The following PLEKHA6 variants were observed in gnomAD, a reference collection of about 807,000 sequenced individuals.
The protein encoded by PLEKHA6 is pleckstrin homology domain containing A6, also known as pleckstrin homology domain-containing family A member 6.
In PLEKHA6, 60 loss-of-function variants were observed where a neutral mutation model predicts 116.7. That is an observed-to-expected ratio of 0.51 (90% CI 0.42 to 0.64). The LOEUF is 0.64. Among genes scored for constraint, PLEKHA6 ranks in the 30% least tolerant of loss-of-function variants. The pLI, the probability that PLEKHA6 is intolerant of heterozygous loss-of-function variation, is 0.00. For missense variants in PLEKHA6, 1,338 were observed against 1,422.7 expected (o/e 0.94, Z 0.96); for synonymous variants, 489 against 556.1 (o/e 0.88, Z 1.70).
chr1:204,225,890 C>T (rs771204373), intron 21 of PLEKHA6, among the ~76,000 whole-genome samples: 1 of 152,230 alleles, frequency 6.6e-6, no homozygotes. Flanking sequence ...AAGACATTCG[C>T]GCCACACGTA....
intron 1 of PLEKHA6, among the ~76,000 whole-genome samples, chr1:204,337,990 G>C (rs556812768): frequency 1.3e-5 from 2 of 152,360 alleles, no homozygotes; most frequent in East Asian, 1.9e-4. Flanking sequence ...ATGGCTTACA[G>C]TCTTATTTCT....
intron 1 of PLEKHA6, among the ~76,000 whole-genome samples, chr1:204,315,658 G>A (rs1671831295): frequency 6.6e-6 from 1 of 152,248 alleles, no homozygotes; most frequent in African/African-American, 2.4e-5. Context: ...AATGTCCTGA[G>A]CATGACAGTG....
At chr1:204,364,350 GGAA>G (rs1165638977), upstream of PLEKHA6, among the ~76,000 whole-genome samples, 1 of 152,208 alleles carries the variant, frequency 6.6e-6, no homozygotes, top group African/African-American at 2.4e-5. Flanking sequence ...AAGGATGCTG[GGAA>G]GCAGCCGTGC....
rs542423487 is a variant in PLEKHA6, at chr1:204,268,132, C to T, written c.207+76G>A. On this transcript the variant is annotated intron_variant, in intron 4 of 22. Transcript: ENST00000272203. ...CATACCAAAAAAATACACAGCCTGT[C>T]ATAAGCACAGAGGAATCCTTATTCT... 9.3e-5 allele frequency: 85 copies of T among 910,686 alleles called. No individual in the cohort carries two copies. The African/African-American group carries it at 1.4e-3, about 14-fold the overall frequency. 56.4% of individuals were successfully genotyped at this position (910,686 alleles called of 1,614,324 possible).
chr1:204,345,236 G>A (rs534567432), intron 1 of PLEKHA6, among the ~76,000 whole-genome samples: 22 of 152,220 alleles, frequency 1.4e-4, no homozygotes, highest in Non-Finnish European at 2.5e-4. Flanking sequence ...GCCCGATTGG[G>A]ATGCTTTCTA....
intron 1 of PLEKHA6, chr1:204,282,783 G>C (rs909985754): frequency 1.0e-6 from 1 of 985,358 alleles, no homozygotes; most frequent in African/African-American, 1.7e-5. Context: ...GCTCCTCCTT[G>C]TGCTGTGTGC....
intron 1 of PLEKHA6, among the ~76,000 whole-genome samples, chr1:204,343,163 T>C (rs1181259604): frequency 6.6e-6 from 1 of 152,164 alleles, no homozygotes; most frequent in African/African-American, 2.4e-5. Flanking sequence ...ACACCAGTGA[T>C]TTGCAAATTT....
intron 1 of PLEKHA6, chr1:204,311,655 A>G (rs1327654696): frequency 2.0e-6 from 2 of 976,538 alleles, no homozygotes; most frequent in African/African-American, 3.5e-5. Flanking sequence ...GTTTTTAAAC[A>G]CAAAATCATC....
chr1:204,300,072 C>T (rs984808984), intron 1 of PLEKHA6, among the ~76,000 whole-genome samples: 2 of 152,206 alleles, frequency 1.3e-5, no homozygotes, highest in Admixed American at 1.3e-4. Flanking sequence ...GGGAGGTTAT[C>T]TATGCCATTG....
At chr1:204,302,153 A>C (rs925988951) in intron 1 of PLEKHA6, among the ~76,000 whole-genome samples, 8 of 152,250 alleles carry the variant, frequency 5.3e-5, no homozygotes, top group Admixed American at 6.5e-5. Context: ...TTAAACAAAG[A>C]GGATGGTGGC....
chr1:204,314,095 G>C (rs1461024150), intron 1 of PLEKHA6, among the ~76,000 whole-genome samples: 1 of 152,152 alleles, frequency 6.6e-6, no homozygotes, highest in African/African-American at 2.4e-5. Flanking sequence ...ATCTTCTGAG[G>C]GATGTCCTCT....
At chr1:204,362,964 C>T (rs1673589891), upstream of PLEKHA6, among the ~76,000 whole-genome samples, 1 of 152,182 alleles carries the variant, frequency 6.6e-6, no homozygotes, top group Admixed American at 6.5e-5. Flanking sequence ...TCTTTGAAGC[C>T]CAGCACATTC....
intron 2 of PLEKHA6, 135 bp downstream of exon 2, chr1:204,274,594 C>A: frequency 1.0e-6 from 1 of 985,618 alleles, no homozygotes; most frequent in Non-Finnish European, 1.2e-6. Context: ...TCCTCAGAAC[C>A]GAGGTGAGTC....
Position 204,274,723 on chromosome 1 carries a change from A to G in PLEKHA6, c.-14+6T>C. On this transcript the variant is annotated splice_donor_region_variant and intron_variant, in intron 2 of 22. Transcript: ENST00000272203. ...AGCCCAAACAGCAAGTAGGGGACAC[A>G]CTTACATTTTCAAGTCAAATTTTTT... 1.0e-6 allele frequency: 1 copy of G among 985,900 alleles called. No individual in the cohort carries two copies. The highest frequency in any genetic ancestry group is 1.2e-6 in the Non-Finnish European group (1 of 829,974). 61.1% of individuals were successfully genotyped at this position (985,900 alleles called of 1,614,324 possible).
At chr1:204,377,278 A>G (rs1268949822) in intron 1 of PLEKHA6, among the ~76,000 whole-genome samples, 1 of 152,170 alleles carries the variant, frequency 6.6e-6, no homozygotes, top group African/African-American at 2.4e-5. Flanking sequence ...CAGGCTGGGC[A>G]TTGGTCTAGT....
At chr1:204,324,390 C>T (rs1672169929) in intron 1 of PLEKHA6, among the ~76,000 whole-genome samples, 1 of 152,066 alleles carries the variant, frequency 6.6e-6, no homozygotes, top group Admixed American at 6.6e-5. Context: ...AGAAAGGGGC[C>T]TCAATGAATA....
intron 1 of PLEKHA6, among the ~76,000 whole-genome samples, chr1:204,291,145 A>T (rs890472609): frequency 2.0e-5 from 3 of 152,248 alleles, no homozygotes; most frequent in Non-Finnish European, 4.4e-5. Context: ...CACCAAAGTT[A>T]TACACATGTC....
At chr1:204,320,620 G>A (rs922220627) in intron 1 of PLEKHA6, 2 of 257,878 alleles carry the variant, frequency 7.8e-6, no homozygotes, top group African/African-American at 4.6e-5. Context: ...CCCATGTGGG[G>A]CCCCACAGCT....
chr1:204,348,851 G>A (rs929253806), intron 1 of PLEKHA6, among the ~76,000 whole-genome samples: 5 of 152,130 alleles, frequency 3.3e-5, no homozygotes, highest in Non-Finnish European at 7.3e-5. Context: ...CTGGGGACTG[G>A]TTTAAGGCTT....
Sources: allele counts gnomAD v4.1 joint callset (sites outside exome capture counted in the v4.1 genomes callset), GRCh38; gene constraint gnomAD v4.1.1; transcripts MANE v1.5; gene names NCBI Gene and HGNC (gene_info 2026-07-23, HGNC 2026-07-21).